PHEX: variants seen among roughly 807,000 people sequenced by gnomAD.
PHEX encodes phosphate regulating endopeptidase X-linked.
A neutral mutation model predicts 68.0 loss-of-function variants in PHEX; 16 were observed. The ratio of observed to expected loss-of-function variants is 0.24; its 90% CI spans 0.16 to 0.36. The LOEUF is 0.36. Among genes scored for constraint, PHEX ranks in the 10% least tolerant of loss-of-function variants. The probability of loss-of-function intolerance (pLI) is 1.00; values close to 1 mark genes in which losing one functional copy is unlikely to be tolerated. For missense variants in PHEX, 480 were observed against 575.5 expected, an observed-to-expected ratio of 0.83 and a Z score of 1.70; for synonymous variants, 208 against 205.1, an observed-to-expected ratio of 1.01 and a Z score of -0.12.
intron 18 of PHEX, 104 bp downstream of exon 18, chrX:22,221,847 C>A (rs1935281142): frequency 4.1e-6 from 3 of 725,815 alleles, no homozygotes; most frequent in Non-Finnish European, 6.5e-6. Flanking sequence ...TTTACAAGAT[C>A]AACAGCATCT....
chrX:22,208,962 G>A (rs7881578), intron 15 of PHEX, among the ~76,000 whole-genome samples: 1,587 of 111,867 alleles, frequency 0.014, 36 homozygotes, highest in African/African-American at 0.049. Flanking sequence ...ATGATAGTGC[G>A]GTTTTATACA....
chrX:22,046,205 G>C (rs920447776), intron 2 of PHEX, among the ~76,000 whole-genome samples: 1 of 112,086 alleles, frequency 8.9e-6, no homozygotes, highest in African/African-American at 3.2e-5. Flanking sequence ...CCTCCAGGAG[G>C]CTGCTTCAAA....
intron 15 of PHEX, among the ~76,000 whole-genome samples, chrX:22,207,981 C>T (rs938556963): frequency 1.8e-5 from 2 of 110,713 alleles, no homozygotes; most frequent in Non-Finnish European, 3.8e-5. Flanking sequence ...TGGTTTGCTG[C>T]ACCCATCAAC....
At chrX:22,065,641 G>A (rs59394495) in intron 3 of PHEX, among the ~76,000 whole-genome samples, 2,756 of 111,339 alleles carry the variant, frequency 0.025, 92 homozygotes, top group African/African-American at 0.086. Context: ...GGCCAGGATG[G>A]TCTTGAACTC....
In PHEX at chrX:22,051,150, A is replaced by C. The variant is rs57968134; in HGVS notation, c.349+3939A>C. On this transcript the variant is annotated intron_variant, in intron 3 of 21. Transcript: ENST00000379374. ...GTAAAGGCCAAATTCACAAACTGAC[A>C]TTAGGGTTCTTGCTTCATATGTCAA... Among the ~76,000 whole-genome samples the C allele has an allele frequency of 6.4e-3, 715 of 111,726 alleles. 8 individuals are homozygous for C. The highest frequency in any genetic ancestry group is 0.022 in the African/African-American group (670 of 30,639).
chrX:22,150,586 C>T (rs977047798), intron 12 of PHEX, among the ~76,000 whole-genome samples: 2 of 111,597 alleles, frequency 1.8e-5, no homozygotes, highest in African/African-American at 6.5e-5. Flanking sequence ...TCTTACAGGC[C>T]GTGAGCCAAT....
chrX:22,153,967 A>G (rs965601807), intron 12 of PHEX, among the ~76,000 whole-genome samples: 1 of 111,315 alleles, frequency 9.0e-6, no homozygotes, highest in Non-Finnish European at 1.9e-5. Context: ...CCTGAGGTAT[A>G]TTTATATCAC....
intron 4 of PHEX, among the ~76,000 whole-genome samples, 181 bp from the exon 5 acceptor site, chrX:22,077,295 G>A (rs748320660): frequency 3.6e-5 from 4 of 111,515 alleles, no homozygotes; most frequent in Non-Finnish European, 5.6e-5. Context: ...AGCGTGGATC[G>A]TAGGTAGTTC....
intron 3 of PHEX, among the ~76,000 whole-genome samples, chrX:22,052,699 C>T (rs758214761): frequency 1.8e-5 from 2 of 110,995 alleles, no homozygotes; most frequent in Admixed American, 2.0e-4. Flanking sequence ...CTGATCTCAC[C>T]TAGTTCAGTT....
At chrX:22,050,573 G>GAA (rs5901695) in intron 3 of PHEX, among the ~76,000 whole-genome samples, 1,106 of 49,579 alleles carry the variant, frequency 0.022, 27 homozygotes, top group African/African-American at 0.056. Context: ...TTCATCTCAG[G>GAA]AAAAAAAAAA....
intron 15 of PHEX, among the ~76,000 whole-genome samples, chrX:22,190,821 C>A (rs1035925954): frequency 2.3e-4 from 26 of 111,067 alleles, no homozygotes; most frequent in African/African-American, 8.2e-4. Flanking sequence ...TTTGTCCATG[C>A]CATTTTATTC....
At chrX:22,123,823 ATTTCTT>A (rs1931593928) in intron 11 of PHEX, among the ~76,000 whole-genome samples, 1 of 103,025 alleles carries the variant, frequency 9.7e-6, no homozygotes, top group African/African-American at 3.9e-5. Context: ...GCCAAATATA[ATTTCTT>A]TTTCTTTTTT....
intron 20 of PHEX, among the ~76,000 whole-genome samples, chrX:22,241,578 T>C (rs774945012): frequency 1.5e-4 from 17 of 111,457 alleles, no homozygotes; most frequent in Non-Finnish European, 3.2e-4. Flanking sequence ...CAATAAAAAA[T>C]GATAAAGGCG....
intron 12 of PHEX, among the ~76,000 whole-genome samples, chrX:22,164,869 T>C (rs1253509031): frequency 8.9e-6 from 1 of 112,262 alleles, no homozygotes; most frequent in Non-Finnish European, 1.9e-5. Context: ...TTGTAACCTC[T>C]AGTTATCTGC....
At chrX:22,245,721 C>T (rs902468369) in intron 21 of PHEX, among the ~76,000 whole-genome samples, 4 of 111,492 alleles carry the variant, frequency 3.6e-5, no homozygotes, top group Non-Finnish European at 3.8e-5. Flanking sequence ...ATTCGGAATC[C>T]GAATCATAGC....
At chrX:22,192,942 TG>T (rs1422635494) in intron 15 of PHEX, among the ~76,000 whole-genome samples, 1 of 110,673 alleles carries the variant, frequency 9.0e-6, no homozygotes, top group East Asian at 2.9e-4. Flanking sequence ...GAGAGAGAAA[TG>T]AACAGAAAGA....
intron 1 of PHEX, among the ~76,000 whole-genome samples, chrX:22,033,917 C>T (rs918721837): frequency 8.9e-5 from 10 of 112,028 alleles, no homozygotes; most frequent in Middle Eastern, 4.6e-3. Context: ...TTAACTTGAA[C>T]GTTACATAGG....
At chrX:22,126,273 A>G (rs1221725151) in intron 11 of PHEX, among the ~76,000 whole-genome samples, 3 of 112,262 alleles carry the variant, frequency 2.7e-5, no homozygotes, top group African/African-American at 9.7e-5. Context: ...AAAGACAACA[A>G]TTAAACACAC....
chrX:22,141,058 G>T (rs776245926), intron 12 of PHEX, among the ~76,000 whole-genome samples: 1 of 110,448 alleles, frequency 9.1e-6, no homozygotes, highest in Non-Finnish European at 1.9e-5. Context: ...GCTTTTATCC[G>T]CAATGCCAGT....
Sources: gnomAD v4.1 joint callset for allele counts (sites outside exome capture counted in the v4.1 genomes callset) on GRCh38, gnomAD v4.1.1 for gene constraint, MANE v1.5 for transcripts, NCBI Gene and HGNC (gene_info 2026-07-23, HGNC 2026-07-21) for gene names.